Variants in BLCAP observed in about 807,000 individuals in gnomAD.
BLCAP encodes apoptosis inducing factor BLCAP.
Under a neutral mutation model 5.7 loss-of-function variants are expected in BLCAP, and 1 was observed. The observed-to-expected ratio is 0.18, with a 90% confidence interval of 0.06 to 0.83. The LOEUF (loss-of-function observed/expected upper bound fraction) is 0.83, where lower values mean the gene tolerates loss of function less well. Ranked by LOEUF, BLCAP falls within the 40% of genes least tolerant of loss-of-function variation. The pLI, the probability that BLCAP is intolerant of heterozygous loss-of-function variation, is 0.71. For missense variants in BLCAP, 66 were observed against 107.6 expected, an observed-to-expected ratio of 0.61 and a Z score of 1.71; for synonymous variants, 48 against 49.4, an observed-to-expected ratio of 0.97 and a Z score of 0.11.
At position 37,521,216 on chromosome 20, in the gene BLCAP, C is replaced by G. The variant is rs2071555117; in HGVS notation, c.-176-1866G>C. On this transcript the variant is annotated intron_variant, in intron 1 of 1. Transcript: ENST00000373537. The surrounding 1 kb of genome is among the most constrained non-coding windows in gnomAD (Gnocchi z 4.5). ...CGCGCATGCGCACTTAGGTGGCGGG[C>G]GGGTACTTAAGGCGCGGCCACCGCG... 1 of 1,038,636 alleles carries G rather than the reference C, an allele frequency of 9.6e-7. No homozygotes were observed. The highest frequency in any genetic ancestry group is 1.5e-6 in the Non-Finnish European group (1 of 668,320). The allele number at this position is 1,038,636 out of a possible 1,614,324, so 64.3% of individuals were successfully genotyped here.
chr20:37,525,306 G>A (rs1238231857), intron 1 of BLCAP, among the ~76,000 whole-genome samples: 1 of 152,210 alleles, frequency 6.6e-6, no homozygotes, highest in Non-Finnish European at 1.5e-5. Context: ...CAGCCCAAGT[G>A]ACAAGGTAGC....
rs975683587 is a variant in BLCAP, at chr20:37,521,280, C to G, written c.-176-1930G>C. 28 of 1,583,822 alleles carry G rather than the reference C, an allele frequency of 1.8e-5. No homozygotes were observed. The Admixed American group carries it at 4.3e-4, about 25-fold the overall frequency. On this transcript the variant is annotated intron_variant, in intron 1 of 1. Coordinates refer to ENST00000373537, the MANE Select transcript of BLCAP (RefSeq NM_006698.4). The surrounding 1 kb of genome is among the most constrained non-coding windows in gnomAD (Gnocchi z 4.5). ...GCCCAACAGCGGACTCCGAGACCAG[C>G]GGATCTCGGCAAACCCTCTTTCTCG... is the stretch of plus-strand genomic sequence containing the variant.
At chr20:37,520,164 G>C (rs754188347) in intron 1 of BLCAP, 4 of 152,232 alleles carry the variant, frequency 2.6e-5, no homozygotes, top group Non-Finnish European at 5.9e-5. Context: ...ATGCCAGTTG[G>C]TCCCTGGGCC....
chr20:37,522,600 A>G, intron 1 of BLCAP: 2 of 1,475,098 alleles, frequency 1.4e-6, no homozygotes, highest in Non-Finnish European at 1.8e-6. Flanking sequence ...GGGGGTGGGC[A>G]CGGCAGCACC....
At chr20:37,524,065 G>T (rs2071679447) in intron 1 of BLCAP, among the ~76,000 whole-genome samples, 1 of 152,152 alleles carries the variant, frequency 6.6e-6, no homozygotes, top group Admixed American at 6.5e-5. Flanking sequence ...AGGTACTAGG[G>T]ACCAAGGGGG....
Position 37,521,528 on chromosome 20 carries a change from C to A in BLCAP, c.-176-2178G>T. 1.0e-6 allele frequency: 1 copy of A among 975,162 alleles called. No individual in the cohort carries two copies. The highest frequency in any genetic ancestry group is 1.6e-6 in the Non-Finnish European group (1 of 628,230). 60.4% of individuals were successfully genotyped at this position (975,162 alleles called of 1,614,324 possible). A position where few individuals can be genotyped will look rare whatever the true frequency, so the allele number is the denominator to read the frequency against. ...TCCGATTGCCGCGATCCTTGCCTGC[C>A]CAAGTGCCGCTGCCGGCACCGCGCG... On this transcript the variant is annotated intron_variant, in intron 1 of 1. Transcript: ENST00000373537. This position sits in a 1 kb window ranked among gnomAD's most constrained non-coding sequence, Gnocchi z 4.5.
chr20:37,522,332 C>G (rs1568685555), intron 1 of BLCAP: 2 of 1,604,440 alleles, frequency 1.2e-6, no homozygotes, highest in African/African-American at 2.7e-5. Context: ...AATCCTTTGC[C>G]AAAGGAATCG....
intron 1 of BLCAP, 54 bp from the exon 2 acceptor site, chr20:37,519,404 C>CAAAAAAAAAAAAAAAAAAAAAA (rs543149253): frequency 2.1e-4 from 9 of 42,954 alleles, no homozygotes; most frequent in Admixed American, 2.8e-4. Flanking sequence ...GACAGACAGA[C>CAAAAAAAAAAAAAAAAAAAAAA]AAAAAAAAAA....
Position 37,518,841 on chromosome 20 carries a change from T to C in BLCAP, c.*70A>G. The C allele has an allele frequency of 6.4e-7, 1 of 1,558,944 alleles. No homozygotes were observed. The highest frequency in any genetic ancestry group is 8.7e-7 in the Non-Finnish European group (1 of 1,154,826). ...GAGGCTGCGGGATTTGAAACTCCAA[T>C]GCTTTATGACCTATGTCAATGCCTC... On this transcript the variant is annotated 3_prime_UTR_variant, in exon 2 of 2. Coordinates refer to ENST00000373537, the MANE Select transcript of BLCAP (RefSeq NM_006698.4).
Position 37,517,571 on chromosome 20 carries a change from C to T in BLCAP, c.*1340G>A, listed in dbSNP as rs192632385. The stretch of plus-strand genomic sequence containing the variant: ...CTCCAGTTCTGTTCTCTGCCTGGCC[C>T]ATCTCTCTTTCCCCTCAGGCAAGAG... On this transcript the variant is annotated 3_prime_UTR_variant, in exon 2 of 2. Transcript: ENST00000373537. The T allele has an allele frequency of 1.3e-5, 2 of 152,454 alleles. No homozygotes were observed. The highest frequency in any genetic ancestry group is 1.5e-5 in the Non-Finnish European group (1 of 68,034). 9.4% of individuals were successfully genotyped at this position (152,454 alleles called of 1,614,324 possible). A position where few individuals can be genotyped will look rare whatever the true frequency, so the allele number is the denominator to read the frequency against.
In BLCAP at chr20:37,521,308, C is replaced by CGGG; in HGVS notation, c.-176-1959_-176-1958insCCC. ...ATCTCGGCAAACCCTCTTTCTCGAC[C>CGGG]ACCCACCTACCATTCTTGGAACCAT... is the stretch of plus-strand genomic sequence containing the variant. On this transcript the variant is annotated intron_variant, in intron 1 of 1. Coordinates refer to ENST00000373537, the MANE Select transcript of BLCAP (RefSeq NM_006698.4). This position sits in a 1 kb window ranked among gnomAD's most constrained non-coding sequence, Gnocchi z 4.5. 2.5e-6 allele frequency: 4 copies of CGGG among 1,612,744 alleles called. No individual in the cohort carries two copies. The highest frequency in any genetic ancestry group is 3.4e-6 in the Non-Finnish European group (4 of 1,178,784).
chr20:37,525,105 T>C (rs1259412703), intron 1 of BLCAP, among the ~76,000 whole-genome samples: 1 of 152,160 alleles, frequency 6.6e-6, no homozygotes. Flanking sequence ...CAGCAGGCAA[T>C]GCCCACACCT....
chr20:37,521,669 G>C lies in BLCAP; in HGVS notation c.-176-2319C>G, dbSNP rs1166413338. On this transcript the variant is annotated intron_variant, in intron 1 of 1. Coordinates refer to ENST00000373537, the MANE Select transcript of BLCAP (RefSeq NM_006698.4). This position sits in a 1 kb window ranked among gnomAD's most constrained non-coding sequence, Gnocchi z 4.5. ...GGCGACCGCTGCGGACGATCACCCAGGCATTTAGCGACCTACGCGGTAAGA... is the reference window on the plus strand; with the variant it reads ...GGCGACCGCTGCGGACGATCACCCACGCATTTAGCGACCTACGCGGTAAGA... The C allele has an allele frequency of 4.2e-6, 2 of 476,058 alleles. No homozygotes were observed. Among genetic ancestry groups the C allele is most frequent in the Non-Finnish European group, 7.6e-6 (2 of 263,492 alleles). The allele number at this position is 476,058 out of a possible 1,614,324, so 29.5% of individuals were successfully genotyped here.
intron 1 of BLCAP, chr20:37,522,367 G>A (rs1334896415): frequency 1.9e-6 from 3 of 1,613,744 alleles, no homozygotes; most frequent in Non-Finnish European, 2.5e-6. Context: ...GGTGTTCCTG[G>A]AATGCTGCAT....
intron 1 of BLCAP, chr20:37,527,548 C>T (rs1417602758): frequency 1.3e-5 from 2 of 152,298 alleles, no homozygotes; most frequent in African/African-American, 2.4e-5. Flanking sequence ...AGGCCAGAGC[C>T]AGCACCCAGG....
chr20:37,518,948 G>A lies in BLCAP; in HGVS notation c.227C>T (p.Pro76Leu). The change falls in exon 2 of 2, where the codon CCA becomes CTA. Residue 76 changes from proline (P) to leucine (L), a missense_variant. Coordinates refer to ENST00000373537, the MANE Select transcript of BLCAP (RefSeq NM_006698.4). ...AACGCCGGGATCATGCGCCGATTCT[G>A]GAAGCGGGGAATCGGAGCAGTGGTA... ...FLYHCSDSPL[P>L]ESAHDPGVVG... 6.2e-7 allele frequency: 1 copy of A among 1,614,222 alleles called. No individual in the cohort carries two copies. The highest frequency in any genetic ancestry group is 1.1e-5 in the South Asian group (1 of 91,086).
In BLCAP at chr20:37,519,309, C is replaced by G. The variant is rs2147182926; in HGVS notation, c.-135G>C. On this transcript the variant is annotated 5_prime_UTR_variant, in exon 2 of 2. Coordinates refer to ENST00000373537, the MANE Select transcript of BLCAP (RefSeq NM_006698.4). ...ACTCTCCAGGAGCTGAGCCGCTGTG[C>G]TCTCTGGCTGTCAGCCCGGGATCAC... 9.5e-7 allele frequency: 1 copy of G among 1,049,078 alleles called. No homozygotes were observed. The highest frequency in any genetic ancestry group is 1.3e-6 in the Non-Finnish European group (1 of 756,834). 65.0% of individuals were successfully genotyped at this position (1,049,078 alleles called of 1,614,324 possible).
At chr20:37,522,209 A>T (rs2071609097) in intron 1 of BLCAP, 2 of 404,454 alleles carry the variant, frequency 4.9e-6, no homozygotes, top group South Asian at 1.3e-4. Flanking sequence ...AAAAAAAATA[A>T]AAAAGAGGCA....
intron 1 of BLCAP, among the ~76,000 whole-genome samples, chr20:37,525,573 TC>T (rs2071704373): frequency 6.6e-6 from 1 of 152,160 alleles, no homozygotes; most frequent in South Asian, 2.1e-4. Context: ...CAATGTCCAC[TC>T]CCCATTTGCA....
Sources: allele counts gnomAD v4.1 joint callset (sites outside exome capture counted in the v4.1 genomes callset), GRCh38; gene constraint gnomAD v4.1.1; non-coding constraint Gnocchi (gnomAD v3.1); transcripts MANE v1.5; gene names NCBI Gene and HGNC (gene_info 2026-07-23, HGNC 2026-07-21).